Variants in GBP3 observed in about 807,000 individuals in gnomAD.
The protein encoded by GBP3 is guanylate binding protein 3.
In GBP3, 55 loss-of-function variants were observed where a neutral mutation model predicts 62.4. That is an observed-to-expected ratio of 0.88 (90% CI 0.71 to 1.10). GBP3 has a LOEUF of 1.10. Among genes scored for constraint, GBP3 ranks in the 50% least tolerant of loss-of-function variants. The pLI is 0.00. For synonymous variants in GBP3, 208 were observed against 259.2 expected, an observed-to-expected ratio of 0.80 and a Z score of 1.90; for missense variants, 605 against 690.6, an observed-to-expected ratio of 0.88 and a Z score of 1.39.
At chr1:89,016,851 A>T (rs1423862136) in intron 2 of GBP3, among the ~76,000 whole-genome samples, 1 of 152,234 alleles carries the variant, frequency 6.6e-6, no homozygotes, top group East Asian at 1.9e-4. Flanking sequence ...CTGGGATTAC[A>T]GGTGTGAACC....
rs767357545 is a variant in GBP3, at chr1:89,020,681, A to G, written c.41T>C (p.Ile14Thr). The G allele has an allele frequency of 7.1e-5, 115 of 1,613,992 alleles. 1 individual carries two copies. In the South Asian group the frequency reaches 9.1e-4, roughly 13 times the overall value. Residue 14 changes from isoleucine to threonine, a missense_variant, in exon 2 of 11, where the codon ATT becomes ACT. Physicochemically the swap from Ile to Thr is moderately conservative, Grantham distance 89 (BLOSUM62 -1). Transcript: ENST00000370481. ...EIHMTGPMCL[I>T]ENTNGELVAN... ...CACCAGTTCCCCATTAGTGTTCTCA[A>G]TGAGGCACATTGGGCCTGTCATGTG...
chr1:89,017,306 A>G (rs2101156239), intron 2 of GBP3, among the ~76,000 whole-genome samples: 1 of 151,658 alleles, frequency 6.6e-6, no homozygotes, highest in African/African-American at 2.4e-5. Flanking sequence ...GGATATTCAC[A>G]TGCTCACATG....
chr1:89,016,633 A>G (rs577266789), intron 2 of GBP3, among the ~76,000 whole-genome samples: 2 of 152,238 alleles, frequency 1.3e-5, no homozygotes, highest in Non-Finnish European at 1.5e-5. Flanking sequence ...TCCAGGCTAG[A>G]CTGTGATCAC....
At chr1:89,014,801 A>T (rs1181169853) in intron 3 of GBP3, 145 bp from the exon 4 acceptor site, 2 of 992,844 alleles carry the variant, frequency 2.0e-6, no homozygotes, top group Middle Eastern at 3.2e-4. Context: ...AAACAAAATG[A>T]TTGTTACTCA....
intron 10 of GBP3, chr1:89,008,745 T>C (rs1678378727): frequency 1.1e-5 from 10 of 942,916 alleles, no homozygotes; most frequent in African/African-American, 1.7e-5. Context: ...CGGGACTGAA[T>C]GTGACACCCT....
chr1:89,009,566 C>G (rs113057891), intron 8 of GBP3, 72 bp from the exon 9 acceptor site: 2 of 1,589,872 alleles, frequency 1.3e-6, no homozygotes, highest in African/African-American at 2.7e-5. Flanking sequence ...CTTCTGCCCA[C>G]CATCTTTTCT....
chr1:89,013,848 A>G, intron 5 of GBP3: 1 of 499,848 alleles, frequency 2.0e-6, no homozygotes, highest in Non-Finnish European at 3.5e-6. Context: ...TTTAGAACAC[A>G]GGAGAATATA....
intron 2 of GBP3, among the ~76,000 whole-genome samples, chr1:89,015,854 A>G (rs1235669113): frequency 6.6e-6 from 1 of 152,114 alleles, no homozygotes; most frequent in Non-Finnish European, 1.5e-5. Flanking sequence ...TCAATGGTGA[A>G]GACTGAAAAT....
rs764518696 is a variant in GBP3, at chr1:89,011,740, AAATTACCGCT to A, written c.1146_1149+6del. The stretch of plus-strand genomic sequence containing the variant: ...CCAAATCCATGTAAATGTGATAGAA[AAATTACCGCT>A]AATTTCTTTTGAAACAGATGGTCCA... On this transcript the variant is annotated splice_donor_variant and splice_donor_5th_base_variant and coding_sequence_variant and intron_variant, in exon 7 of 11. Transcript: ENST00000370481. LOFTEE classifies it high-confidence loss of function. 132 of 1,462,084 alleles carry A rather than the reference AAATTACCGCT, an allele frequency of 9.0e-5. 36 individuals are homozygous for A. Among genetic ancestry groups the A allele is most frequent in the Non-Finnish European group, 1.2e-4 (128 of 1,055,158 alleles). The allele number at this position is 1,462,084 out of a possible 1,614,324, so 90.6% of individuals were successfully genotyped here.
chr1:89,021,827 G>A (rs1489895659), intron 1 of GBP3, among the ~76,000 whole-genome samples: 14 of 113,272 alleles, frequency 1.2e-4, no homozygotes, highest in Middle Eastern at 4.6e-3. Context: ...GAGAGAGAGA[G>A]AGAGAAAGTG....
intron 1 of GBP3, 79 bp from the exon 2 acceptor site, chr1:89,020,822 T>G: frequency 1.5e-6 from 2 of 1,306,264 alleles, no homozygotes; most frequent in Admixed American, 4.4e-5. Flanking sequence ...TTCCCCAGGA[T>G]GGCCAAAAGT....
In GBP3 at chr1:89,009,391, C is replaced by T; in HGVS notation, c.1465+1G>A. On this transcript the variant is annotated splice_donor_variant, in intron 9 of 10. Coordinates refer to ENST00000370481, the MANE Select transcript of GBP3 (RefSeq NM_018284.3). LOFTEE classifies it high-confidence loss of function. ...ATCTGATCCTTTGACTTGCTCCTCA[C>T]CTTCAATCTCCTTTTCCTTTTCTGT... 6.2e-7 allele frequency: 1 copy of T among 1,613,542 alleles called. No individual in the cohort carries two copies. The highest frequency in any genetic ancestry group is 8.5e-7 in the Non-Finnish European group (1 of 1,179,450).
At chr1:89,014,494 G>A (rs1421720420) in intron 4 of GBP3, 53 bp downstream of exon 4, 11 of 1,613,882 alleles carry the variant, frequency 6.8e-6, no homozygotes, top group South Asian at 1.1e-5. Context: ...GCTGGTTTAT[G>A]AATACAGGTG....
intron 8 of GBP3, 49 bp from the exon 9 acceptor site, chr1:89,009,543 A>T (rs756031557): frequency 1.9e-6 from 3 of 1,606,950 alleles, no homozygotes; most frequent in Non-Finnish European, 2.5e-6. Flanking sequence ...GGCTGTAAGC[A>T]GGTTTTCCTG....
chr1:89,021,510 G>GCGCGCGCGCGCGCGCACACA (rs751639388), intron 1 of GBP3, among the ~76,000 whole-genome samples: 33 of 131,738 alleles, frequency 2.5e-4, no homozygotes, highest in African/African-American at 9.6e-4. Flanking sequence ...GCGCGCGCGC[G>GCGCGCGCGCGCGCGCACACA]CACACACACA....
chr1:89,015,081 T>C (rs1678814007), intron 3 of GBP3, among the ~76,000 whole-genome samples: 1 of 152,232 alleles, frequency 6.6e-6, no homozygotes, highest in Admixed American at 6.5e-5. Context: ...TAGAATACTG[T>C]GTGTTGACCA....
intron 8 of GBP3, among the ~76,000 whole-genome samples, chr1:89,010,117 TTAAC>T (rs1056637924): frequency 7.3e-6 from 1 of 136,732 alleles, no homozygotes; most frequent in Non-Finnish European, 1.5e-5. Context: ...CTCTAATTAA[TTAAC>T]TAATTTTTTT....
intron 10 of GBP3, 33 bp downstream of exon 10, chr1:89,008,914 A>G: frequency 3.7e-6 from 6 of 1,613,800 alleles, no homozygotes; most frequent in Non-Finnish European, 5.1e-6. Context: ...GAGAAAACAG[A>G]AAAACGAACC....
At chr1:89,021,542 A>ACC (rs1553178213) in intron 1 of GBP3, among the ~76,000 whole-genome samples, 25 of 125,600 alleles carry the variant, frequency 2.0e-4, no homozygotes, top group South Asian at 1.1e-3. Context: ...ACACACACAC[A>ACC]CACCCCAAAA....
Sources: allele counts gnomAD v4.1 joint callset (sites outside exome capture counted in the v4.1 genomes callset), GRCh38; gene constraint gnomAD v4.1.1; transcripts MANE v1.5; gene names NCBI Gene and HGNC (gene_info 2026-07-23, HGNC 2026-07-21).